The following DRC8 variants were observed in gnomAD, a reference collection of about 807,000 sequenced individuals.
DRC8 encodes the protein dynein regulatory complex subunit 8, also known as dynein regulatory complex protein 8.
the DRC8 span, among the ~76,000 whole-genome samples, chr1:244,977,135 G>T: frequency 6.6e-6 from 1 of 152,208 alleles, no homozygotes; most frequent in Non-Finnish European, 1.5e-5. Flanking sequence ...GGGCTGTGGG[G>T]AGAGGAGAAT....
At chr1:245,069,644 G>A in the DRC8 span, among the ~76,000 whole-genome samples, 3 of 152,196 alleles carry the variant, frequency 2.0e-5, no homozygotes, top group Non-Finnish European at 4.4e-5. Flanking sequence ...GGGAGCTGCT[G>A]TTCAATGAGT....
the DRC8 span, among the ~76,000 whole-genome samples, chr1:245,070,966 G>A: frequency 1.3e-5 from 2 of 152,154 alleles, no homozygotes; most frequent in African/African-American, 4.8e-5. Context: ...CCCCTCTGGG[G>A]GCCACAGCAT....
the DRC8 span, among the ~76,000 whole-genome samples, chr1:245,115,135 G>C: frequency 6.6e-6 from 1 of 151,148 alleles, no homozygotes; most frequent in South Asian, 2.1e-4. Context: ...ATGCAGCCTC[G>C]ACCTCCCCAG....
At chr1:245,070,225 G>T in the DRC8 span, among the ~76,000 whole-genome samples, 1 of 152,102 alleles carries the variant, frequency 6.6e-6, no homozygotes, top group East Asian at 1.9e-4. Flanking sequence ...TATTTTCCAT[G>T]CCAATATTCT....
chr1:245,020,773 C>T, the DRC8 span, among the ~76,000 whole-genome samples: 1 of 151,252 alleles, frequency 6.6e-6, no homozygotes, highest in Non-Finnish European at 1.5e-5. Flanking sequence ...GTGCCCGCCA[C>T]CACGCCCGGC....
chr1:245,038,010 G>A, the DRC8 span, among the ~76,000 whole-genome samples: 1 of 151,998 alleles, frequency 6.6e-6, no homozygotes, highest in Non-Finnish European at 1.5e-5. Flanking sequence ...CCATGTTGTT[G>A]GATAAGAGGA....
At chr1:245,104,107 C>T in the DRC8 span, among the ~76,000 whole-genome samples, 16 of 152,192 alleles carry the variant, frequency 1.1e-4, no homozygotes, top group Non-Finnish European at 2.1e-4. Flanking sequence ...GGATGGAGCA[C>T]AACCAAACTG....
the DRC8 span, among the ~76,000 whole-genome samples, chr1:245,043,756 T>A: frequency 6.6e-6 from 1 of 152,204 alleles, no homozygotes; most frequent in Non-Finnish European, 1.5e-5. Flanking sequence ...GCTGTCTGAA[T>A]GAAGTGATTT....
At chr1:245,105,631 A>C in the DRC8 span, among the ~76,000 whole-genome samples, 1 of 150,854 alleles carries the variant, frequency 6.6e-6, no homozygotes, top group Non-Finnish European at 1.5e-5. Flanking sequence ...TCAAAAAAAA[A>C]AAAAAAACAA....
At chr1:245,065,276 C>T in the DRC8 span, among the ~76,000 whole-genome samples, 7 of 151,816 alleles carry the variant, frequency 4.6e-5, no homozygotes, top group Non-Finnish European at 8.8e-5. Context: ...TGGTCTTGAA[C>T]GCCTGACCTC....
At chr1:245,120,572 C>T in the DRC8 span, among the ~76,000 whole-genome samples, 4 of 152,188 alleles carry the variant, frequency 2.6e-5, no homozygotes, top group Admixed American at 2.6e-4. Context: ...TAGAACTAGA[C>T]TTCAGCCTTT....
the DRC8 span, among the ~76,000 whole-genome samples, chr1:244,990,392 T>C: frequency 6.6e-6 from 1 of 152,206 alleles, no homozygotes; most frequent in Non-Finnish European, 1.5e-5. Context: ...ATAGTATATA[T>C]AGGGCTTGGT....
At chr1:245,059,327 G>T in the DRC8 span, 1 of 1,222,412 alleles carries the variant, frequency 8.2e-7, no homozygotes, top group Non-Finnish European at 1.2e-6. Flanking sequence ...ATAATTTGGA[G>T]AAACCTGGCC....
the DRC8 span, among the ~76,000 whole-genome samples, chr1:245,052,945 C>G: frequency 6.6e-6 from 1 of 152,310 alleles, no homozygotes; most frequent in Non-Finnish European, 1.5e-5. Flanking sequence ...CATCCCATTT[C>G]CAAAGACAAA....
the DRC8 span, among the ~76,000 whole-genome samples, chr1:244,973,010 A>G: frequency 2.6e-5 from 4 of 152,182 alleles, no homozygotes; most frequent in Non-Finnish European, 4.4e-5. Context: ...GAAATAGTCT[A>G]TTACTATATT....
At chr1:245,063,373 A>G in the DRC8 span, among the ~76,000 whole-genome samples, 1 of 152,002 alleles carries the variant, frequency 6.6e-6, no homozygotes, top group African/African-American at 2.4e-5. Context: ...TTGGTCAAGC[A>G]CTCTCATCCA....
At chr1:245,111,301 T>C in the DRC8 span, among the ~76,000 whole-genome samples, 1 of 152,152 alleles carries the variant, frequency 6.6e-6, no homozygotes, top group Admixed American at 6.5e-5. Context: ...CCCGGTGACC[T>C]GCAGGGACAG....
the DRC8 span, among the ~76,000 whole-genome samples, chr1:245,000,932 T>C: frequency 1.3e-5 from 2 of 152,050 alleles, no homozygotes; most frequent in African/African-American, 4.8e-5. Flanking sequence ...AAGATTGGGC[T>C]TATGTCAGTG....
chr1:244,969,765 T>C, the DRC8 span: 1 of 245,342 alleles, frequency 4.1e-6, no homozygotes, highest in African/African-American at 2.3e-5. Flanking sequence ...TCGGTTGTCA[T>C]AGGCTGTGCT....
Sources: gnomAD v4.1 joint callset for allele counts (sites outside exome capture counted in the v4.1 genomes callset) on GRCh38, gnomAD v4.1.1 for gene constraint, MANE v1.5 for transcripts, NCBI Gene and HGNC (gene_info 2026-07-23, HGNC 2026-07-21) for gene names.